Variants in KCNQ1 observed in about 807,000 individuals in gnomAD.
The protein encoded by KCNQ1 is potassium voltage-gated channel subfamily KQT member 1.
In KCNQ1, 49 loss-of-function variants were observed where a neutral mutation model predicts 72.4. The ratio of observed to expected loss-of-function variants is 0.68; its 90% CI spans 0.54 to 0.86. The LOEUF (loss-of-function observed/expected upper bound fraction) is 0.86. Among genes scored for constraint, KCNQ1 ranks in the 40% least tolerant of loss-of-function variants. The pLI, the probability that KCNQ1 is intolerant of heterozygous loss-of-function variation, is 0.00. For missense variants in KCNQ1, 790 were observed against 945.1 expected (o/e 0.84, Z 2.15); for synonymous variants, 450 against 412.6 (o/e 1.09, Z -1.10).
chr11:2,692,108 C>A, intron 11 of KCNQ1: 1 of 398,790 alleles, frequency 2.5e-6, no homozygotes, highest in East Asian at 3.6e-5. Flanking sequence ...TCCACAGCCT[C>A]CATCATTTTA....
chr11:2,508,867 G>A lies in KCNQ1; in HGVS notation c.387-19061G>A, dbSNP rs1451568667. Among the ~76,000 whole-genome samples the A allele has an allele frequency of 6.6e-6, 1 of 152,222 alleles. No homozygotes were observed. The highest frequency in any genetic ancestry group is 2.4e-5 in the African/African-American group (1 of 41,454). On this transcript the variant is annotated intron_variant, in intron 1 of 15. Coordinates refer to ENST00000155840, the MANE Select transcript of KCNQ1 (RefSeq NM_000218.3). The surrounding 1 kb of genome is among the most constrained non-coding windows in gnomAD (Gnocchi z 6.2). ...GAATGCATGCTCCCTCCACACCCAT[G>A]TGCCTGATGCACACAGCCTGGCCCT...
intron 15 of KCNQ1, among the ~76,000 whole-genome samples, chr11:2,820,920 C>T (rs1251029063): frequency 2.0e-5 from 3 of 152,230 alleles, no homozygotes; most frequent in Admixed American, 1.3e-4. Context: ...AGTGCCTACA[C>T]CCCACCTCCA....
In KCNQ1 at chr11:2,447,661, C is replaced by T. The variant is rs1288135977; in HGVS notation, c.386+2177C>T. Among the ~76,000 whole-genome samples the T allele has an allele frequency of 6.6e-6, 1 of 152,184 alleles. No individual in the cohort carries two copies. Among genetic ancestry groups the T allele is most frequent in the African/African-American group, 2.4e-5 (1 of 41,434 alleles). ...AGGTCCAGCCTTGCGCCAGTCCAGC[C>T]TTGTGTTGCTGTAAGAAGTCTTGGC... On this transcript the variant is annotated intron_variant, in intron 1 of 15. Transcript: ENST00000155840. This position sits in a 1 kb window ranked among gnomAD's most constrained non-coding sequence, Gnocchi z 7.6.
Position 2,676,581 on chromosome 11 carries a change from A to G in KCNQ1, c.1514+14500A>G, listed in dbSNP as rs1425151271. The G allele has an allele frequency of 7.5e-6, 3 of 398,564 alleles. No individual in the cohort carries two copies. In the East Asian group the frequency reaches 1.1e-4, roughly 14 times the overall value. The allele number at this position is 398,564 out of a possible 1,614,324, so 24.7% of individuals were successfully genotyped here. A position where few individuals can be genotyped will look rare whatever the true frequency, so the allele number is the denominator to read the frequency against. On this transcript the variant is annotated intron_variant, in intron 11 of 15. Transcript: ENST00000155840. This position sits in a 1 kb window ranked among gnomAD's most constrained non-coding sequence, Gnocchi z 4.2. ...AAGGCTAAGGACCATCATACTGGGT[A>G]TTCAACAGCCAGCTCTCCAAAGAGG...
chr11:2,835,104 G>A (rs1235801430), intron 15 of KCNQ1, among the ~76,000 whole-genome samples: 3 of 152,262 alleles, frequency 2.0e-5, no homozygotes, highest in African/African-American at 7.2e-5. Context: ...GGGGCTGCCC[G>A]CCCGTCTGGG....
Position 2,621,744 on chromosome 11 carries a change from T to A in KCNQ1, c.1393+32890T>A, listed in dbSNP as rs1183114428. 1 of 398,324 alleles carries A rather than the reference T, an allele frequency of 2.5e-6. No homozygotes were observed. The highest frequency in any genetic ancestry group is 4.4e-6 in the Non-Finnish European group (1 of 225,998). The allele number at this position is 398,324 out of a possible 1,614,324, so 24.7% of individuals were successfully genotyped here. The stretch of plus-strand genomic sequence containing the variant: ...TGTTGTAATATATTCTCCATTTTCA[T>A]TTCTGATTTTGTCCTCTTTCTTAGT... On this transcript the variant is annotated intron_variant, in intron 10 of 15. Transcript: ENST00000155840. The surrounding 1 kb of genome is among the most constrained non-coding windows in gnomAD (Gnocchi z 5.7).
Position 2,683,867 on chromosome 11 carries a change from A to C in KCNQ1, c.1514+21786A>C. ...TCCCTGGCCCCACACTCACTGCTAC[A>C]TCTCTCTTCCAAATCATAAATGCAA... On this transcript the variant is annotated intron_variant, in intron 11 of 15. Transcript: ENST00000155840. The surrounding 1 kb of genome is among the most constrained non-coding windows in gnomAD (Gnocchi z 4.7). The C allele has an allele frequency of 2.5e-6, 1 of 398,126 alleles. No individual in the cohort carries two copies. Among genetic ancestry groups the C allele is most frequent in the Non-Finnish European group, 4.4e-6 (1 of 226,034 alleles). 24.7% of individuals were successfully genotyped at this position (398,126 alleles called of 1,614,324 possible). A position where few individuals can be genotyped will look rare whatever the true frequency, so the allele number is the denominator to read the frequency against.
In KCNQ1 at chr11:2,624,742, C is replaced by T. The variant is rs754490385; in HGVS notation, c.1393+35888C>T. 2.5e-6 allele frequency: 1 copy of T among 397,960 alleles called. No individual in the cohort carries two copies. The allele number at this position is 397,960 out of a possible 1,614,324, so 24.7% of individuals were successfully genotyped here. On this transcript the variant is annotated intron_variant, in intron 10 of 15. Coordinates refer to ENST00000155840, the MANE Select transcript of KCNQ1 (RefSeq NM_000218.3). This position sits in a 1 kb window ranked among gnomAD's most constrained non-coding sequence, Gnocchi z 4.9. ...TATCCATTAAACAATAATTCCCCAA[C>T]CCCCCCACCACCGCCATCTCTTGGA... is the stretch of plus-strand genomic sequence containing the variant.
Position 2,848,172 on chromosome 11 carries a change from G to A in KCNQ1, c.*169G>A, listed in dbSNP as rs535458696. 13 of 732,470 alleles carry A rather than the reference G, an allele frequency of 1.8e-5. No homozygotes were observed. Among genetic ancestry groups the A allele is most frequent in the Admixed American group, 4.3e-5 (2 of 46,654 alleles). 45.4% of individuals were successfully genotyped at this position (732,470 alleles called of 1,614,324 possible). A position where few individuals can be genotyped will look rare whatever the true frequency, so the allele number is the denominator to read the frequency against. On this transcript the variant is annotated 3_prime_UTR_variant, in exon 16 of 16. Coordinates refer to ENST00000155840, the MANE Select transcript of KCNQ1 (RefSeq NM_000218.3). The stretch of plus-strand genomic sequence containing the variant: ...TGCTGTCTGGCACAGCCTGCACTTG[G>A]GGGCTCAGCAAGGCCACCTCTTCCT...
In KCNQ1 at chr11:2,585,922, A is replaced by T. The variant is rs574700251; in HGVS notation, c.1128+615A>T. Among the ~76,000 whole-genome samples, 31 of 152,220 alleles carry T rather than the reference A, an allele frequency of 2.0e-4. 1 individual carries two copies. The South Asian group carries it at 6.2e-3, about 31-fold the overall frequency. Reference sequence around the variant, plus strand: ...TGGGATGCTGGGCTCTGGCTCTGTCACTCCAGGCTCTCCAGGACCCACCAG... The same window carrying T: ...TGGGATGCTGGGCTCTGGCTCTGTCTCTCCAGGCTCTCCAGGACCCACCAG... On this transcript the variant is annotated intron_variant, in intron 8 of 15. Transcript: ENST00000155840.
chr11:2,456,757 TAAAAATCCAA>T (rs1846196466), intron 1 of KCNQ1, among the ~76,000 whole-genome samples: 2 of 25,988 alleles, frequency 7.7e-5, no homozygotes, highest in Admixed American at 4.9e-4. Context: ...CTGTCTCTAC[TAAAAATCCAA>T]AAAAAAAAAA....
rs559915328 is a variant in KCNQ1 at position 2,782,747 on chromosome 11, G to A, written c.1794+4710G>A. Reference sequence around the variant, plus strand: ...CATTGGCATTTATTATAATTTTAATGTCCGTCCATTAGCATTTAGTCCCAT... The same window carrying A: ...CATTGGCATTTATTATAATTTTAATATCCGTCCATTAGCATTTAGTCCCAT... On this transcript the variant is annotated intron_variant, in intron 15 of 15. Transcript: ENST00000155840. This position sits in a 1 kb window ranked among gnomAD's most constrained non-coding sequence, Gnocchi z 6.1. Among the ~76,000 whole-genome samples the A allele has an allele frequency of 6.6e-6, 1 of 152,102 alleles. No individual in the cohort carries two copies. Among genetic ancestry groups the A allele is most frequent in the East Asian group, 1.9e-4 (1 of 5,190 alleles).
Position 2,665,860 on chromosome 11 carries a change from C to T in KCNQ1, c.1514+3779C>T, listed in dbSNP as rs541051780. The T allele has an allele frequency of 8.6e-4, 341 of 398,596 alleles. 1 individual carries two copies. The highest frequency in any genetic ancestry group is 1.4e-3 in the Non-Finnish European group (306 of 226,228). 24.7% of individuals were successfully genotyped at this position (398,596 alleles called of 1,614,324 possible). A position where few individuals can be genotyped will look rare whatever the true frequency, so the allele number is the denominator to read the frequency against. The stretch of plus-strand genomic sequence containing the variant: ...ACAGGGCTAGGGGCCTGAGGATCTG[C>T]GGCTCTGAACTTGGGGGCTGTGTGC... On this transcript the variant is annotated intron_variant, in intron 11 of 15. Transcript: ENST00000155840.
Position 2,785,048 on chromosome 11 carries a change from C to CA in KCNQ1, c.1794+7019dup, listed in dbSNP as rs1209073277. ...TGCCTAATTGCACTGGCTTGAACTT[C>CA]AAAAAAAATATTGACTAGAAGTGCT... is the stretch of plus-strand genomic sequence containing the variant. On this transcript the variant is annotated intron_variant, in intron 15 of 15. Coordinates refer to ENST00000155840, the MANE Select transcript of KCNQ1 (RefSeq NM_000218.3). The surrounding 1 kb of genome is among the most constrained non-coding windows in gnomAD (Gnocchi z 4.4). Among the ~76,000 whole-genome samples the CA allele has an allele frequency of 2.6e-5, 4 of 151,640 alleles. No individual in the cohort carries two copies. Among genetic ancestry groups the CA allele is most frequent in the East Asian group, 1.9e-4 (1 of 5,198 alleles).
chr11:2,759,098 A>G lies in KCNQ1; in HGVS notation c.1515-9746A>G, dbSNP rs972349264. On this transcript the variant is annotated intron_variant, in intron 11 of 15. Coordinates refer to ENST00000155840, the MANE Select transcript of KCNQ1 (RefSeq NM_000218.3). The surrounding 1 kb of genome is among the most constrained non-coding windows in gnomAD (Gnocchi z 4.4). ...CGAACTCACGTAGAGGGCATACAGG[A>G]CCTCTTGGTACTTTTTTTTTTTTTC... 1.6e-5 allele frequency among the ~76,000 whole-genome samples: 2 copies of G among 127,172 alleles called. No homozygotes were observed. The highest frequency in any genetic ancestry group is 3.2e-5 in the African/African-American group (1 of 31,284). The allele number at this position is 127,172 out of a possible 152,430, so 83.4% of individuals were successfully genotyped here. A position where few individuals can be genotyped will look rare whatever the true frequency, so the allele number is the denominator to read the frequency against.
At chr11:2,452,316 C>G (rs1447780832) in intron 1 of KCNQ1, among the ~76,000 whole-genome samples, 2 of 152,148 alleles carry the variant, frequency 1.3e-5, no homozygotes, top group African/African-American at 2.4e-5. Flanking sequence ...GACCCCCACC[C>G]CTGTACTCCC....
At chr11:2,648,558 A>T (rs570945412) in intron 10 of KCNQ1, 2 of 398,414 alleles carry the variant, frequency 5.0e-6, no homozygotes, top group South Asian at 2.5e-4. Context: ...ATGTAGTTTG[A>T]TTTCCGTGTA....
At chr11:2,731,359 C>G (rs1845855846) in intron 11 of KCNQ1, among the ~76,000 whole-genome samples, 1 of 152,228 alleles carries the variant, frequency 6.6e-6, no homozygotes, top group Non-Finnish European at 1.5e-5. Context: ...ATGCCAGACC[C>G]CTCGGGAATT....
rs913863369 is a variant in KCNQ1, at chr11:2,715,183, C to A, written c.1514+53102C>A. Among the ~76,000 whole-genome samples the A allele has an allele frequency of 1.3e-5, 2 of 152,180 alleles. No homozygotes were observed. The highest frequency in any genetic ancestry group is 2.9e-5 in the Non-Finnish European group (2 of 68,018). On this transcript the variant is annotated intron_variant, in intron 11 of 15. Coordinates refer to ENST00000155840, the MANE Select transcript of KCNQ1 (RefSeq NM_000218.3). The surrounding 1 kb of genome is among the most constrained non-coding windows in gnomAD (Gnocchi z 4.9). ...GAACCTCAGCATGGGCACCCCATGC[C>A]ACCCGCTCCATTTACAGCCAAGGAG...
Sources: gnomAD v4.1 joint callset for allele counts (sites outside exome capture counted in the v4.1 genomes callset) on GRCh38, gnomAD v4.1.1 for gene constraint, Gnocchi (gnomAD v3.1) non-coding constraint, MANE v1.5 for transcripts, NCBI Gene and HGNC (gene_info 2026-07-23, HGNC 2026-07-21) for gene names.